Variants in PALS2 observed in about 807,000 individuals in gnomAD.
The protein encoded by PALS2 is protein PALS2.
A neutral mutation model predicts 61.6 loss-of-function variants in PALS2; 27 were observed. The observed-to-expected ratio is 0.44, with a 90% CI of 0.32 to 0.60. PALS2 has a LOEUF of 0.60. PALS2 is among the 20% of genes least tolerant of loss of function. PALS2 has a pLI of 0.05. For synonymous variants in PALS2, 236 were observed against 218.6 expected (o/e 1.08, Z -0.70); for missense variants, 554 against 639.4 (o/e 0.87, Z 1.44).
At chr7:24,578,597 G>A (rs1333840946) in intron 1 of PALS2, among the ~76,000 whole-genome samples, 2 of 152,130 alleles carry the variant, frequency 1.3e-5, no homozygotes, top group Admixed American at 1.3e-4. Flanking sequence ...TGCTGCAGAG[G>A]ACCACTTCTA....
At chr7:24,632,638 C>T (rs780690584) in intron 2 of PALS2, among the ~76,000 whole-genome samples, 2 of 152,174 alleles carry the variant, frequency 1.3e-5, no homozygotes, top group African/African-American at 2.4e-5. Context: ...CTGCCCACGT[C>T]GGCCTCCCAA....
chr7:24,602,858 C>G lies in PALS2; in HGVS notation c.-2-20808C>G, dbSNP rs529257794. Among the ~76,000 whole-genome samples, 17 of 152,188 alleles carry G rather than the reference C, an allele frequency of 1.1e-4. 1 individual carries two copies. The East Asian group carries it at 3.3e-3, about 29-fold the overall frequency. ...TGAATCATGAGGGTGGTTTCCTGTT[C>G]TCTTGATAGTAAATGAGTTCTCACA... On this transcript the variant is annotated intron_variant, in intron 1 of 11. Transcript: ENST00000222644.
rs1264576115 is a variant in PALS2 at position 24,688,087 on chromosome 7, A to G, written c.*473A>G. On this transcript the variant is annotated 3_prime_UTR_variant, in exon 12 of 12. Coordinates refer to ENST00000222644, the MANE Select transcript of PALS2 (RefSeq NM_001303037.2). The stretch of plus-strand genomic sequence containing the variant: ...TAGTTATTGACCTTCCTTCTTATAA[A>G]TTTCTTACAAAAGCAGAATTTTAAG... The G allele has an allele frequency of 6.6e-6, 1 of 152,342 alleles. No individual in the cohort carries two copies. The highest frequency in any genetic ancestry group is 1.5e-5 in the Non-Finnish European group (1 of 68,134). The allele number at this position is 152,342 out of a possible 1,614,324, so 9.4% of individuals were successfully genotyped here. A position where few individuals can be genotyped will look rare whatever the true frequency, so the allele number is the denominator to read the frequency against.
chr7:24,615,191 G>A (rs1583877521), intron 1 of PALS2, among the ~76,000 whole-genome samples: 1 of 151,900 alleles, frequency 6.6e-6, no homozygotes, highest in African/African-American at 2.4e-5. Context: ...CAAAAAAGGA[G>A]AAAGATTTCA....
chr7:24,635,747 A>G (rs945050527), intron 2 of PALS2, among the ~76,000 whole-genome samples: 2 of 152,156 alleles, frequency 1.3e-5, no homozygotes, highest in African/African-American at 4.8e-5. Context: ...TCACAACTTT[A>G]TTCTTTGTAA....
chr7:24,638,322 CTTTTTTTTTTT>C (rs749421698), intron 2 of PALS2, among the ~76,000 whole-genome samples: 3 of 11,926 alleles, frequency 2.5e-4, no homozygotes, highest in Non-Finnish European at 3.6e-4. Flanking sequence ...TCTGTATTTT[CTTTTTTTTTTT>C]TTTTTTTTTT....
At chr7:24,643,318 A>G (rs1323201991) in intron 3 of PALS2, among the ~76,000 whole-genome samples, 1 of 152,180 alleles carries the variant, frequency 6.6e-6, no homozygotes, top group African/African-American at 2.4e-5. Context: ...AGTGTAGCAT[A>G]TAAAAATTTT....
Position 24,687,909 on chromosome 7 carries a change from G to A in PALS2, c.*295G>A. On this transcript the variant is annotated 3_prime_UTR_variant, in exon 12 of 12. Coordinates refer to ENST00000222644, the MANE Select transcript of PALS2 (RefSeq NM_001303037.2). This position sits in a 1 kb window ranked among gnomAD's most constrained non-coding sequence, Gnocchi z 4.5. The stretch of plus-strand genomic sequence containing the variant: ...GTATATGTTTTGATTTAGTACCCTT[G>A]CCTTTTTCATCAAAGGAATTTTCAA... 1 of 211,278 alleles carries A rather than the reference G, an allele frequency of 4.7e-6. No homozygotes were observed. Among genetic ancestry groups the A allele is most frequent in the East Asian group, 1.1e-4 (1 of 9,380 alleles). The allele number at this position is 211,278 out of a possible 1,614,324, so 13.1% of individuals were successfully genotyped here.
At chr7:24,664,367 A>G (rs1786905443) in intron 6 of PALS2, among the ~76,000 whole-genome samples, 1 of 152,150 alleles carries the variant, frequency 6.6e-6, no homozygotes, top group Admixed American at 6.5e-5. Context: ...TAGCAGCAGT[A>G]ATAAGTCTGT....
intron 2 of PALS2, among the ~76,000 whole-genome samples, chr7:24,638,243 T>C (rs957177183): frequency 4.0e-5 from 6 of 151,658 alleles, no homozygotes; most frequent in African/African-American, 1.2e-4. Flanking sequence ...AATCCAAGTA[T>C]GTTGGTTTTC....
chr7:24,683,669 T>C (rs1431544132), intron 11 of PALS2, among the ~76,000 whole-genome samples: 1 of 152,214 alleles, frequency 6.6e-6, no homozygotes, highest in Non-Finnish European at 1.5e-5. Flanking sequence ...TTAGGGTAAA[T>C]GGTGTTTTAA....
intron 1 of PALS2, among the ~76,000 whole-genome samples, chr7:24,623,200 G>GTTT (rs375157787): frequency 7.8e-6 from 1 of 128,326 alleles, no homozygotes; most frequent in African/African-American, 2.8e-5. Flanking sequence ...CTTCTCTTCC[G>GTTT]TTTTTTTTTT....
intron 1 of PALS2, among the ~76,000 whole-genome samples, chr7:24,592,823 T>G (rs2128044013): frequency 6.6e-6 from 1 of 152,248 alleles, no homozygotes; most frequent in African/African-American, 2.4e-5. Context: ...CATCAGAGCC[T>G]TCAGAGAGTT....
intron 11 of PALS2, among the ~76,000 whole-genome samples, chr7:24,684,134 T>C (rs1295013030): frequency 6.6e-6 from 1 of 152,062 alleles, no homozygotes; most frequent in Non-Finnish European, 1.5e-5. Context: ...GTTTTTTTTT[T>C]CTGTCGCCAG....
intron 1 of PALS2, among the ~76,000 whole-genome samples, chr7:24,587,412 C>T (rs1241391211): frequency 1.3e-5 from 2 of 152,024 alleles, no homozygotes; most frequent in African/African-American, 2.4e-5. Context: ...CAGCATATCC[C>T]TCTGTCACCC....
chr7:24,585,743 G>C (rs1783039837), intron 1 of PALS2, among the ~76,000 whole-genome samples: 1 of 152,080 alleles, frequency 6.6e-6, no homozygotes, highest in Admixed American at 6.6e-5. Flanking sequence ...CTGTTTCCCA[G>C]GCTGGACTGC....
At chr7:24,636,513 G>C (rs1785246644) in intron 2 of PALS2, among the ~76,000 whole-genome samples, 1 of 152,074 alleles carries the variant, frequency 6.6e-6, no homozygotes, top group Non-Finnish European at 1.5e-5. Context: ...TTTCAAGATA[G>C]CTAGAAGAGA....
rs768579495 is a variant in PALS2 at position 24,632,288 on chromosome 7, A to T, written c.117+8504A>T. On this transcript the variant is annotated intron_variant, in intron 2 of 11. Transcript: ENST00000222644. ...CCAGTTTTCTTTAGTTAATGTTAGC[A>T]TGATACACCTTTCTCCATACCTTTA... 2.0e-5 allele frequency among the ~76,000 whole-genome samples: 3 copies of T among 152,368 alleles called. No individual in the cohort carries two copies. In the South Asian group the frequency reaches 6.2e-4, roughly 32 times the overall value.
intron 2 of PALS2, chr7:24,624,107 C>G: frequency 4.6e-6 from 6 of 1,315,998 alleles, no homozygotes; most frequent in Non-Finnish European, 6.0e-6. Context: ...TCAACAATGG[C>G]AAAGTACTGA....
Sources: allele counts gnomAD v4.1 joint callset (sites outside exome capture counted in the v4.1 genomes callset), GRCh38; gene constraint gnomAD v4.1.1; non-coding constraint Gnocchi (gnomAD v3.1); transcripts MANE v1.5; gene names NCBI Gene and HGNC (gene_info 2026-07-23, HGNC 2026-07-21).